Variants in ADGRL3 observed in about 807,000 individuals in gnomAD.
ADGRL3 encodes the protein calcium-independent alpha-latrotoxin receptor 3.
A neutral mutation model predicts 153.5 loss-of-function variants in ADGRL3; 62 were observed. The observed-to-expected ratio is 0.40, with a 90% CI of 0.33 to 0.50. ADGRL3 has a LOEUF of 0.50. Ranked by LOEUF, ADGRL3 falls within the 20% of genes least tolerant of loss-of-function variation. The probability of loss-of-function intolerance (pLI) is 0.47; values close to 1 mark genes in which losing one functional copy is unlikely to be tolerated. For synonymous variants in ADGRL3, 710 were observed against 672.5 expected (o/e 1.06, Z -0.86); for missense variants, 1,641 against 1,859.4 (o/e 0.88, Z 2.16).
chr4:62,013,599 T>G (rs1218858069), intron 21 of ADGRL3, among the ~76,000 whole-genome samples: 2 of 151,414 alleles, frequency 1.3e-5, no homozygotes, highest in African/African-American at 4.8e-5. Context: ...TAACATGTCT[T>G]CAAAAAACGG....
intron 9 of ADGRL3, among the ~76,000 whole-genome samples, chr4:61,877,749 T>G (rs576882759): frequency 6.6e-6 from 1 of 152,260 alleles, no homozygotes; most frequent in African/African-American, 2.4e-5. Flanking sequence ...CACGTGGTCA[T>G]CCTGATATGG....
intron 5 of ADGRL3, among the ~76,000 whole-genome samples, chr4:61,616,726 A>G (rs1216717404): frequency 6.6e-6 from 1 of 152,206 alleles, no homozygotes; most frequent in Non-Finnish European, 1.5e-5. Context: ...CTCATGCTAT[A>G]TGATGTGCCT....
rs748616710 is a variant in ADGRL3, at chr4:61,517,303, C to A, written c.56-12C>A. The A allele has an allele frequency of 5.7e-6, 4 of 702,158 alleles. No individual in the cohort carries two copies. Among genetic ancestry groups the A allele is most frequent in the South Asian group, 3.0e-5 (2 of 67,550 alleles). 43.5% of individuals were successfully genotyped at this position (702,158 alleles called of 1,614,324 possible). ...AGCAGGGGTCTGATGGTGCGCCCTGCGGTCCCCGCAGGTGGCAAGCACAGT... is the reference window on the plus strand; with the variant it reads ...AGCAGGGGTCTGATGGTGCGCCCTGAGGTCCCCGCAGGTGGCAAGCACAGT... On this transcript the variant is annotated splice_polypyrimidine_tract_variant and intron_variant, in intron 3 of 26. Coordinates refer to ENST00000683033, the MANE Select transcript of ADGRL3 (RefSeq NM_001387552.1).
chr4:61,579,383 A>G (rs2149258999), intron 4 of ADGRL3, among the ~76,000 whole-genome samples: 1 of 152,192 alleles, frequency 6.6e-6, no homozygotes, highest in South Asian at 2.1e-4. Flanking sequence ...GATTGGGAAA[A>G]TTGTGATATG....
intron 2 of ADGRL3, among the ~76,000 whole-genome samples, chr4:61,475,455 T>C (rs547523881): frequency 6.6e-6 from 1 of 152,288 alleles, no homozygotes; most frequent in African/African-American, 2.4e-5. Context: ...TATATCTTTC[T>C]TGAAGTACAT....
At chr4:61,624,019 T>A (rs1204006977) in intron 5 of ADGRL3, among the ~76,000 whole-genome samples, 4 of 152,026 alleles carry the variant, frequency 2.6e-5, no homozygotes, top group Non-Finnish European at 5.9e-5. Flanking sequence ...TGGGGGTGAA[T>A]AAAGAGTGAT....
Position 62,070,313 on chromosome 4 carries a change from T to C in ADGRL3, c.4037T>C (p.Leu1346Pro), listed in dbSNP as rs758361459. ...ELTSNYIPSY[L>P]NNHERSSEQN... Reference sequence around the variant, plus strand: ...ACTTCCAACTATATCCCTTCTTACCTGAACAACCATGAGCGCTCCAGTGAA... The same window carrying C: ...ACTTCCAACTATATCCCTTCTTACCCGAACAACCATGAGCGCTCCAGTGAA... Residue 1346 changes from leucine (L) to proline (P), a missense_variant, in exon 27 of 27, where the codon CTG (leucine) becomes CCG (proline). By Grantham distance (98) the Leu-to-Pro change is moderately conservative (BLOSUM62 -3). Transcript: ENST00000683033. The C allele has an allele frequency of 1.3e-6, 2 of 1,556,390 alleles. No individual in the cohort carries two copies. The highest frequency in any genetic ancestry group is 8.7e-7 in the Non-Finnish European group (1 of 1,149,176).
At chr4:61,961,365 A>G (rs990899004) in intron 17 of ADGRL3, among the ~76,000 whole-genome samples, 19 of 152,192 alleles carry the variant, frequency 1.2e-4, no homozygotes, top group Non-Finnish European at 2.6e-4. Context: ...ATGGGCAGAG[A>G]AAGGGTATTT....
At chr4:61,459,441 CT>C (rs1215564726) in intron 2 of ADGRL3, among the ~76,000 whole-genome samples, 1 of 151,796 alleles carries the variant, frequency 6.6e-6, no homozygotes, top group African/African-American at 2.4e-5. Flanking sequence ...ACCACATTTT[CT>C]TTAGTCATTC....
intron 6 of ADGRL3, among the ~76,000 whole-genome samples, chr4:61,717,201 T>C (rs1447008335): frequency 3.0e-5 from 3 of 98,848 alleles, no homozygotes; most frequent in Non-Finnish European, 5.5e-5. Flanking sequence ...AGTTTATGTG[T>C]GTGTGTGTGT....
chr4:61,839,881 T>C (rs2148976879), intron 9 of ADGRL3, among the ~76,000 whole-genome samples: 1 of 151,778 alleles, frequency 6.6e-6, no homozygotes, highest in East Asian at 2.0e-4. Flanking sequence ...GCTCAGGAGT[T>C]TGAGGCTGCA....
intron 25 of ADGRL3, among the ~76,000 whole-genome samples, chr4:62,048,552 C>T (rs1449591955): frequency 4.0e-5 from 6 of 151,716 alleles, no homozygotes; most frequent in South Asian, 4.2e-4. Context: ...TGAGCCACCA[C>T]GCCCGGCTAT....
At position 61,892,880 on chromosome 4, in the gene ADGRL3, G is replaced by C. The variant is rs529183439; in HGVS notation, c.1705G>C (p.Val569Leu). 1 of 1,596,020 alleles carries C rather than the reference G, an allele frequency of 6.3e-7. No individual in the cohort carries two copies. The highest frequency in any genetic ancestry group is 8.5e-7 in the Non-Finnish European group (1 of 1,174,310). Reference protein sequence around the residue: ...IPALEESCEAVEAREIMWFKT... With the variant: ...IPALEESCEALEAREIMWFKT... ...AGCTCTCGAAGAGAGCTGTGAGGCT[G>C]TGGAAGCCCGAGAAATCATGTGGTT... Residue 569 changes from valine (V) to leucine (L), a missense_variant, in exon 10 of 27, where the codon GTG (valine) becomes CTG (leucine). By Grantham distance (32) the Val-to-Leu change is conservative. Around this residue, in one of 5 missense-constraint regions of ADGRL3, gnomAD observed 734 missense variants for 797.0 expected, o/e 0.92. Coordinates refer to ENST00000683033, the MANE Select transcript of ADGRL3 (RefSeq NM_001387552.1).
At chr4:62,001,266 C>T (rs1359376598) in intron 21 of ADGRL3, among the ~76,000 whole-genome samples, 3 of 152,098 alleles carry the variant, frequency 2.0e-5, no homozygotes, top group Non-Finnish European at 4.4e-5. Flanking sequence ...TCAGGAAGGA[C>T]ATTTTTCCAG....
chr4:61,405,499 A>G (rs2152190214), intron 2 of ADGRL3, among the ~76,000 whole-genome samples: 1 of 152,088 alleles, frequency 6.6e-6, no homozygotes, highest in South Asian at 2.1e-4. Context: ...AAACATTCCT[A>G]TATCATAAGA....
chr4:61,587,936 T>G (rs1180940130), intron 5 of ADGRL3, among the ~76,000 whole-genome samples: 3 of 152,042 alleles, frequency 2.0e-5, no homozygotes, highest in Admixed American at 1.3e-4. Context: ...AAGTATTCTT[T>G]TGCTATTCAG....
intron 8 of ADGRL3, among the ~76,000 whole-genome samples, chr4:61,784,423 T>A (rs1044288073): frequency 7.6e-6 from 1 of 132,266 alleles, no homozygotes; most frequent in Non-Finnish European, 1.6e-5. Flanking sequence ...AGCAAATACA[T>A]ATTAGTTGAC....
chr4:61,347,802 G>T (rs1007281817), intron 1 of ADGRL3, among the ~76,000 whole-genome samples: 1 of 152,046 alleles, frequency 6.6e-6, no homozygotes, highest in Non-Finnish European at 1.5e-5. Context: ...TGGAGAATTT[G>T]CATTTACCTT....
intron 16 of ADGRL3, 138 bp downstream of exon 16, chr4:61,947,260 AT>A (rs553580588): frequency 3.5e-5 from 24 of 693,814 alleles, no homozygotes; most frequent in South Asian, 2.1e-4. Flanking sequence ...TGTAGTGGTA[AT>A]TTTTTTGTCA....
Sources: gnomAD v4.1 joint callset for allele counts (sites outside exome capture counted in the v4.1 genomes callset) on GRCh38, gnomAD v4.1.1 for gene constraint, gnomAD v4.1.1 regional missense constraint, MANE v1.5 for transcripts, NCBI Gene and HGNC (gene_info 2026-07-23, HGNC 2026-07-21) for gene names.